RIN2: variants seen among roughly 807,000 people sequenced by gnomAD.
The protein encoded by RIN2 is RAB5 interacting protein 2.
RIN2 carries 36 observed loss-of-function variants against 78.0 expected under a neutral mutation model. The observed-to-expected ratio is 0.46, with a 90% CI of 0.35 to 0.61. The LOEUF (loss-of-function observed/expected upper bound fraction) is 0.61. Among genes scored for constraint, RIN2 ranks in the 20% least tolerant of loss-of-function variants. The probability of loss-of-function intolerance (pLI) is 0.00; values close to 1 mark genes in which losing one functional copy is unlikely to be tolerated. For synonymous variants in RIN2, 466 were observed against 466.8 expected (o/e 1.00, Z 0.02); for missense variants, 1,087 against 1,159.7 (o/e 0.94, Z 0.91).
At chr20:19,869,585 C>A (rs2037617695) in intron 2 of RIN2, among the ~76,000 whole-genome samples, 2 of 151,842 alleles carry the variant, frequency 1.3e-5, no homozygotes, top group African/African-American at 4.8e-5. Flanking sequence ...CCCTTAATCA[C>A]TTTTACTGCT....
At chr20:19,881,609 C>T (rs2038028594) in intron 2 of RIN2, among the ~76,000 whole-genome samples, 1 of 152,166 alleles carries the variant, frequency 6.6e-6, no homozygotes, top group South Asian at 2.1e-4. Context: ...GAGCCCCTCA[C>T]AGAGTCACCC....
At chr20:19,812,232 A>G (rs1294263526) in intron 2 of RIN2, among the ~76,000 whole-genome samples, 1 of 152,088 alleles carries the variant, frequency 6.6e-6, no homozygotes, top group Non-Finnish European at 1.5e-5. Flanking sequence ...GTAAATACCT[A>G]TGAGTGGAAT....
intron 3 of RIN2, among the ~76,000 whole-genome samples, chr20:19,890,039 C>T (rs1391102604): frequency 6.6e-6 from 1 of 150,428 alleles, no homozygotes; most frequent in Non-Finnish European, 1.5e-5. Context: ...TTGTATGAAT[C>T]ACTGAAGGGC....
At chr20:19,867,637 C>A (rs1391470054) in intron 2 of RIN2, among the ~76,000 whole-genome samples, 1 of 152,176 alleles carries the variant, frequency 6.6e-6, no homozygotes, top group Non-Finnish European at 1.5e-5. Context: ...ATGTTTTGCA[C>A]CCGTGGCAGG....
chr20:19,878,677 C>G (rs2123420631), intron 2 of RIN2, among the ~76,000 whole-genome samples: 1 of 152,212 alleles, frequency 6.6e-6, no homozygotes, highest in East Asian at 1.9e-4. Context: ...ATGCCAGTGT[C>G]CACCCAGCAT....
chr20:19,825,007 T>G (rs954774881), intron 2 of RIN2, among the ~76,000 whole-genome samples: 4 of 152,180 alleles, frequency 2.6e-5, no homozygotes, highest in African/African-American at 9.7e-5. Context: ...ACATACTGAC[T>G]GGCACCAAAG....
intron 3 of RIN2, among the ~76,000 whole-genome samples, chr20:19,924,075 C>A (rs1428417463): frequency 8.3e-6 from 1 of 120,584 alleles, no homozygotes; most frequent in African/African-American, 3.1e-5. Flanking sequence ...CACTTTCATA[C>A]CCCCACCTTC....
chr20:19,823,108 T>C (rs1236008244), intron 2 of RIN2, among the ~76,000 whole-genome samples: 1 of 152,210 alleles, frequency 6.6e-6, no homozygotes, highest in Admixed American at 6.5e-5. Flanking sequence ...ACAGAGTAAC[T>C]AAGTAACTGC....
rs1365504444 is a variant in RIN2, at chr20:19,975,239, C to G, written c.1214C>G (p.Pro405Arg). Residue 405 changes from proline to arginine, a missense_variant, in exon 9 of 13, where the codon CCG becomes CGG. Physicochemically the swap from Pro to Arg is moderately radical, Grantham distance 103. Around this residue, in one of 8 missense-constraint regions of RIN2, gnomAD observed 706 missense variants for 667.5 expected, o/e 1.06. Transcript: ENST00000255006. The surrounding 1 kb of genome is among the most constrained non-coding windows in gnomAD (Gnocchi z 4.9). ...GGTGGGGCCCCGCCTGAGGCCGCCC[C>G]GGGGGATTGCACAAGGGCCCCGCCG... ...SPGGAPPEAA[P>R]GDCTRAPPPS... 5 of 1,582,780 alleles carry G rather than the reference C, an allele frequency of 3.2e-6. No individual in the cohort carries two copies. The highest frequency in any genetic ancestry group is 4.3e-6 in the Non-Finnish European group (5 of 1,164,818).
chr20:19,912,668 G>A (rs999557902), intron 3 of RIN2, among the ~76,000 whole-genome samples: 6 of 151,660 alleles, frequency 4.0e-5, no homozygotes, highest in Admixed American at 3.3e-4. Flanking sequence ...TAGTAGAGAC[G>A]GGGTTTCACC....
intron 3 of RIN2, among the ~76,000 whole-genome samples, chr20:19,916,559 C>T (rs964578994): frequency 6.6e-6 from 1 of 152,226 alleles, no homozygotes; most frequent in Non-Finnish European, 1.5e-5. Context: ...CTCAAGGCTG[C>T]ACTCCAGCTC....
intron 2 of RIN2, among the ~76,000 whole-genome samples, chr20:19,864,274 T>C (rs2037433352): frequency 6.6e-6 from 1 of 152,174 alleles, no homozygotes; most frequent in Non-Finnish European, 1.5e-5. Context: ...AGTTAACAGC[T>C]GAACTTTCAT....
In RIN2 at chr20:19,956,806, G is replaced by A; in HGVS notation, c.350G>A (p.Gly117Glu). ...AAEVLQAQPP[G>E]IFLVHKSTKM... is the part of the protein sequence containing the mutation. ...GAGGTCCTGCAGGCCCAGCCTCCGG[G>A]GGTAAGACTCAGAACCTCGGGAAGC... is the stretch of plus-strand genomic sequence containing the variant. Residue 117 changes from glycine to glutamate, a missense_variant and splice_region_variant, in exon 5 of 13, where the codon GGG becomes GAG. Gly to Glu is a moderately conservative substitution (Grantham distance 98, BLOSUM62 -2). Coordinates refer to ENST00000255006, the MANE Select transcript of RIN2 (RefSeq NM_018993.4). 1.3e-6 allele frequency: 2 copies of A among 1,569,730 alleles called. No individual in the cohort carries two copies. The highest frequency in any genetic ancestry group is 2.7e-5 in the African/African-American group (2 of 74,138).
intron 4 of RIN2, among the ~76,000 whole-genome samples, chr20:19,954,231 T>C (rs1336737548): frequency 6.6e-6 from 1 of 152,226 alleles, no homozygotes; most frequent in Non-Finnish European, 1.5e-5. Context: ...TAATTTCCTT[T>C]TTATAACTCA....
chr20:19,841,717 C>T (rs182165894), intron 2 of RIN2, among the ~76,000 whole-genome samples: 328 of 152,260 alleles, frequency 2.2e-3, no homozygotes, highest in African/African-American at 7.6e-3. Flanking sequence ...TGCCCTTGTA[C>T]CTACTCTGTG....
chr20:19,928,687 G>A (rs1346117821), intron 3 of RIN2, among the ~76,000 whole-genome samples: 1 of 152,142 alleles, frequency 6.6e-6, no homozygotes, highest in African/African-American at 2.4e-5. Flanking sequence ...TTATGCAGGA[G>A]CACTCAGGTG....
chr20:19,935,253 T>G (rs202016250), intron 4 of RIN2, 54 bp downstream of exon 4: 109 of 1,473,112 alleles, frequency 7.4e-5, no homozygotes, highest in Non-Finnish European at 1.1e-5. Context: ...GAGTGAACCC[T>G]GGCACTGCCA....
chr20:19,935,216 T>A lies in RIN2; in HGVS notation c.158+17T>A. 6.3e-7 allele frequency: 1 copy of A among 1,577,956 alleles called. No individual in the cohort carries two copies. The highest frequency in any genetic ancestry group is 1.4e-5 in the African/African-American group (1 of 74,054). ...AACCCACAGGTGACCAGAGACACGG[T>A]TAGGTGATGGGTGCGAGAAAGGGAT... is the stretch of plus-strand genomic sequence containing the variant. On this transcript the variant is annotated intron_variant, in intron 4 of 12. Transcript: ENST00000255006.
At chr20:19,879,469 G>A (rs991113910) in intron 2 of RIN2, among the ~76,000 whole-genome samples, 17 of 152,138 alleles carry the variant, frequency 1.1e-4, no homozygotes, top group Non-Finnish European at 2.2e-4. Context: ...CTGTGCTTCC[G>A]CTGACTGTCC....
Sources: allele counts gnomAD v4.1 joint callset (sites outside exome capture counted in the v4.1 genomes callset), GRCh38; gene constraint gnomAD v4.1.1; regional missense constraint gnomAD v4.1.1; non-coding constraint Gnocchi (gnomAD v3.1); transcripts MANE v1.5; gene names NCBI Gene and HGNC (gene_info 2026-07-23, HGNC 2026-07-21).